The following CSMD3 variants were observed in gnomAD, a reference collection of about 807,000 sequenced individuals.
The protein encoded by CSMD3 is CUB and sushi domain-containing protein 3.
Under a neutral mutation model 435.2 loss-of-function variants are expected in CSMD3, and 177 were observed. The observed-to-expected ratio is 0.41, with a 90% CI of 0.36 to 0.46. The LOEUF is 0.46. Among genes scored for constraint, CSMD3 ranks in the 20% least tolerant of loss-of-function variants. The pLI is 0.34. For missense variants in CSMD3, 4,265 were observed against 4,504.6 expected (o/e 0.95, Z 1.52); for synonymous variants, 1,656 against 1,520.5 (o/e 1.09, Z -2.07).
intron 5 of CSMD3, among the ~76,000 whole-genome samples, chr8:113,060,383 C>G (rs1266494642): frequency 1.3e-5 from 2 of 150,434 alleles, no homozygotes; most frequent in South Asian, 2.1e-4. Context: ...TTTTCTTAAT[C>G]CAGTCTATCA....
At chr8:112,783,604 T>C (rs1313276623) in intron 13 of CSMD3, among the ~76,000 whole-genome samples, 1 of 151,902 alleles carries the variant, frequency 6.6e-6, no homozygotes, top group Non-Finnish European at 1.5e-5. Flanking sequence ...AATAATAACA[T>C]TGTGTGTAAA....
At chr8:112,409,878 T>C (rs907047543) in intron 32 of CSMD3, among the ~76,000 whole-genome samples, 1 of 151,940 alleles carries the variant, frequency 6.6e-6, no homozygotes, top group Non-Finnish European at 1.5e-5. Flanking sequence ...GTAACAAAAC[T>C]TATCCTTAAA....
rs560006918 is a variant in CSMD3 at position 113,229,044 on chromosome 8, A to G, written c.514+49548T>C. ...GTTCTATCTGCATTATTAATCATGTATCTCCTTACTTTAGTCTTGCATGGG... is the reference window on the plus strand; with the variant it reads ...GTTCTATCTGCATTATTAATCATGTGTCTCCTTACTTTAGTCTTGCATGGG... On this transcript the variant is annotated intron_variant, in intron 3 of 70. Transcript: ENST00000297405. Among the ~76,000 whole-genome samples the G allele has an allele frequency of 2.6e-5, 4 of 151,788 alleles. No individual in the cohort carries two copies. The South Asian group carries it at 8.3e-4, about 31-fold the overall frequency.
At chr8:113,199,232 T>C (rs1349670659) in intron 3 of CSMD3, among the ~76,000 whole-genome samples, 2 of 151,460 alleles carry the variant, frequency 1.3e-5, no homozygotes, top group Admixed American at 6.6e-5. Context: ...TATAAATAAG[T>C]TATATTTTAG....
At chr8:112,982,720 C>T (rs144253223) in intron 6 of CSMD3, among the ~76,000 whole-genome samples, 5 of 151,848 alleles carry the variant, frequency 3.3e-5, no homozygotes, top group African/African-American at 1.2e-4. Context: ...GCCTTATCCC[C>T]TATTTCTGAC....
chr8:112,575,366 A>G (rs1012887403), intron 23 of CSMD3, among the ~76,000 whole-genome samples: 13 of 152,020 alleles, frequency 8.6e-5, no homozygotes, highest in Non-Finnish European at 1.5e-4. Context: ...GCAGAGAGAG[A>G]AGGTAGAAAT....
chr8:112,922,252 G>A (rs2082766580), intron 9 of CSMD3, among the ~76,000 whole-genome samples: 1 of 151,502 alleles, frequency 6.6e-6, no homozygotes, highest in South Asian at 2.1e-4. Context: ...GTATATAGTG[G>A]GTGTATATAT....
At chr8:112,559,875 A>G (rs1274639705) in intron 24 of CSMD3, among the ~76,000 whole-genome samples, 2 of 151,854 alleles carry the variant, frequency 1.3e-5, no homozygotes, top group East Asian at 3.9e-4. Flanking sequence ...TTCTGAGGAT[A>G]GAAAACCTTT....
intron 2 of CSMD3, among the ~76,000 whole-genome samples, chr8:113,303,227 G>A (rs1264104221): frequency 7.3e-6 from 1 of 137,504 alleles, no homozygotes; most frequent in Non-Finnish European, 1.6e-5. Flanking sequence ...CCTCTTCAAG[G>A]AGAACTACAA....
At chr8:112,303,203 AAG>A (rs938878030) in intron 52 of CSMD3, among the ~76,000 whole-genome samples, 4 of 152,190 alleles carry the variant, frequency 2.6e-5, no homozygotes, top group African/African-American at 4.8e-5. Context: ...TGGAAAAAAC[AAG>A]GAGTCTGCAG....
chr8:112,457,304 G>A (rs1490135620), intron 32 of CSMD3, among the ~76,000 whole-genome samples: 1 of 152,014 alleles, frequency 6.6e-6, no homozygotes, highest in Non-Finnish European at 1.5e-5. Flanking sequence ...TTCCCTGCAT[G>A]GGGAATGGAG....
intron 10 of CSMD3, among the ~76,000 whole-genome samples, chr8:112,876,608 A>G (rs2081288765): frequency 6.6e-6 from 1 of 152,144 alleles, no homozygotes; most frequent in South Asian, 2.1e-4. Context: ...TAGATGCATA[A>G]AAGGCCTTCG....
intron 1 of CSMD3, among the ~76,000 whole-genome samples, chr8:113,340,281 A>T (rs936692658): frequency 1.3e-5 from 2 of 152,126 alleles, no homozygotes; most frequent in Admixed American, 6.6e-5. Context: ...TGAACAAAAA[A>T]TGAGGACATT....
At chr8:112,902,928 C>A (rs1403996290) in intron 10 of CSMD3, among the ~76,000 whole-genome samples, 1 of 151,008 alleles carries the variant, frequency 6.6e-6, no homozygotes, top group Non-Finnish European at 1.5e-5. Flanking sequence ...TTCTTCTGAC[C>A]CACAAAGCTT....
intron 32 of CSMD3, among the ~76,000 whole-genome samples, chr8:112,433,364 A>G (rs899214305): frequency 2.0e-5 from 3 of 151,846 alleles, no homozygotes; most frequent in Non-Finnish European, 4.4e-5. Context: ...TACCTTTAAA[A>G]AAAAAAACAC....
chr8:112,815,918 A>G (rs1174773407), intron 12 of CSMD3, among the ~76,000 whole-genome samples: 1 of 152,140 alleles, frequency 6.6e-6, no homozygotes, highest in African/African-American at 2.4e-5. Context: ...CTGCGTTCCA[A>G]GAGCATATAT....
chr8:112,291,209 A>C (rs1819730013), intron 56 of CSMD3, among the ~76,000 whole-genome samples: 1 of 152,052 alleles, frequency 6.6e-6, no homozygotes, highest in South Asian at 2.1e-4. Context: ...ATAAAAGTGT[A>C]GTTGCCTCTT....
At chr8:112,701,700 A>G (rs2076392429) in intron 13 of CSMD3, among the ~76,000 whole-genome samples, 1 of 152,130 alleles carries the variant, frequency 6.6e-6, no homozygotes, top group Admixed American at 6.6e-5. Context: ...CGACTTCCTT[A>G]CCATAGAGGG....
chr8:112,232,976 C>T (rs1813239308), intron 68 of CSMD3, among the ~76,000 whole-genome samples: 1 of 152,156 alleles, frequency 6.6e-6, no homozygotes, highest in Non-Finnish European at 1.5e-5. Flanking sequence ...TGAGAAATAA[C>T]TAAATACTTA....
Sources: gnomAD v4.1 joint callset for allele counts (sites outside exome capture counted in the v4.1 genomes callset) on GRCh38, gnomAD v4.1.1 for gene constraint, MANE v1.5 for transcripts, NCBI Gene and HGNC (gene_info 2026-07-23, HGNC 2026-07-21) for gene names.